PITRM1: variants seen among roughly 807,000 people sequenced by gnomAD.
PITRM1 encodes the protein pitrilysin metallopeptidase 1.
A neutral mutation model predicts 129.9 loss-of-function variants in PITRM1; 100 were observed. That is an observed-to-expected ratio of 0.77 (90% CI 0.65 to 0.91). The LOEUF is 0.91. Ranked by LOEUF, PITRM1 falls within the 40% of genes least tolerant of loss-of-function variation. The pLI, the probability that PITRM1 is intolerant of heterozygous loss-of-function variation, is 0.00. For missense variants in PITRM1, 1,471 were observed against 1,318.3 expected (o/e 1.12, Z -1.79); for synonymous variants, 591 against 508.8 (o/e 1.16, Z -2.17).
rs1333250888 is a variant in PITRM1, at chr10:3,171,337, T to TA, written c.57-1132_57-1131insT. ...CAGAACGCATAAAAATGGTAAAATA[T>TA]TAAAAAAAAAAAAAGCAAGGACATT... On this transcript the variant is annotated intron_variant, in intron 1 of 26. Coordinates refer to ENST00000224949, the MANE Select transcript of PITRM1 (RefSeq NM_014889.4). Among the ~76,000 whole-genome samples the TA allele has an allele frequency of 2.0e-3, 11 of 5,552 alleles. No homozygotes were observed. The East Asian group carries it at 0.023, about 12-fold the overall frequency. 3.6% of individuals were successfully genotyped at this position (5,552 alleles called of 152,430 possible). A position where few individuals can be genotyped will look rare whatever the true frequency, so the allele number is the denominator to read the frequency against.
chr10:3,138,126 T>A lies in PITRM1; in HGVS notation c.3021-2A>T, dbSNP rs771839728. ...GTGCTCTTCCCAGTGCCGAGGTATC[T>A]GAGAGGAAGGCAGGCGTGGTCAGCA... On this transcript the variant is annotated splice_acceptor_variant, in intron 26 of 26. Transcript: ENST00000224949. LOFTEE classifies it high-confidence loss of function. The A allele has an allele frequency of 6.2e-7, 1 of 1,605,492 alleles. No individual in the cohort carries two copies. The highest frequency in any genetic ancestry group is 1.7e-5 in the Admixed American group (1 of 59,394).
chr10:3,170,014 G>C (rs1843202933), intron 2 of PITRM1, 90 bp downstream of exon 2: 1 of 907,702 alleles, frequency 1.1e-6, no homozygotes, highest in Non-Finnish European at 1.7e-6. Flanking sequence ...AAAAACGCTA[G>C]TCTCCGCCCT....
At chr10:3,158,268 GA>G (rs1842141145) in intron 10 of PITRM1, 115 bp from the exon 11 acceptor site, 11 of 664,612 alleles carry the variant, frequency 1.7e-5, no homozygotes, top group Non-Finnish European at 5.3e-6. Flanking sequence ...CCCCTCCACT[GA>G]AAAGCTCATT....
chr10:3,165,686 GT>G (rs1344526876), intron 4 of PITRM1, among the ~76,000 whole-genome samples, 159 bp from the exon 5 acceptor site: 3 of 152,234 alleles, frequency 2.0e-5, no homozygotes, highest in African/African-American at 4.8e-5. Flanking sequence ...CTCAGCAGCT[GT>G]CCCAGCTCAT....
intron 22 of PITRM1, 73 bp from the exon 23 acceptor site, chr10:3,143,574 CAG>C (rs1406304898): frequency 4.5e-5 from 47 of 1,041,854 alleles, no homozygotes; most frequent in Non-Finnish European, 4.1e-5. Context: ...TGGACCCACT[CAG>C]GGGTCAGAGG....
At chr10:3,141,029 ACTCCTGGG>A (rs1226837914) in intron 23 of PITRM1, among the ~76,000 whole-genome samples, 3 of 151,936 alleles carry the variant, frequency 2.0e-5, no homozygotes, top group African/African-American at 7.3e-5. Flanking sequence ...GCAGCTTTGA[ACTCCTGGG>A]CTCAAGGGAT....
At chr10:3,143,958 C>T in intron 22 of PITRM1, 1 of 523,086 alleles carries the variant, frequency 1.9e-6, no homozygotes, top group Admixed American at 2.8e-5. Context: ...CTGGCATCGA[C>T]TCAGCTCGGG....
intron 15 of PITRM1, among the ~76,000 whole-genome samples, chr10:3,150,271 G>A (rs1320934171): frequency 6.6e-6 from 1 of 152,198 alleles, no homozygotes; most frequent in East Asian, 1.9e-4. Context: ...TAGACCAGCG[G>A]AGGGACCAAG....
chr10:3,165,519 A>C lies in PITRM1; in HGVS notation c.427T>G (p.Tyr143Asp). 1 of 1,555,818 alleles carries C rather than the reference A, an allele frequency of 6.4e-7. No individual in the cohort carries two copies. Among genetic ancestry groups the C allele is most frequent in the Non-Finnish European group, 8.9e-7 (1 of 1,127,698 alleles). The stretch of plus-strand genomic sequence containing the variant: ...TGTGTGGAAAATGGATACAGAGTAT[A>C]ATCACTAGCTGGGTACAAATGAAAA... ...TFMNAFTASD[Y>D]TLYPFSTQNP... The change falls in exon 5 of 27, where the codon TAT becomes GAT. Residue 143 changes from tyrosine (Y) to aspartate (D), a missense_variant. Physicochemically the swap from Tyr to Asp is radical, Grantham distance 160. Coordinates refer to ENST00000224949, the MANE Select transcript of PITRM1 (RefSeq NM_014889.4).
chr10:3,167,898 G>A (rs2132515152), intron 2 of PITRM1: 1 of 152,216 alleles, frequency 6.6e-6, no homozygotes, highest in East Asian at 1.9e-4. Flanking sequence ...GGGGCCGGGA[G>A]GATAGAAATG....
At chr10:3,153,489 G>GCAT (rs1482997978) in intron 14 of PITRM1, among the ~76,000 whole-genome samples, 4 of 152,090 alleles carry the variant, frequency 2.6e-5, no homozygotes, top group African/African-American at 9.7e-5. Flanking sequence ...CGTGGTGGTG[G>GCAT]GCATCTGTAG....
rs1260772187 is a variant in PITRM1 at position 3,145,608 on chromosome 10, T to A, written c.2445A>T (p.Pro815=). 6.5e-7 allele frequency: 1 copy of A among 1,549,790 alleles called. No individual in the cohort carries two copies. Among genetic ancestry groups the A allele is most frequent in the Non-Finnish European group, 8.7e-7 (1 of 1,146,952 alleles). ...CACCAGTGCATACCTCGACCGTGTG[T>A]GGGCGCACAGGCCTCCGTTCCTTTT... ...RSKKERRPVR[P]HTVEKPVPSS... The change falls in exon 21 of 27, where the codon CCA becomes CCT. Residue 815 remains proline (P), a synonymous_variant. Transcript: ENST00000224949.
At position 3,165,455 on chromosome 10, in the gene PITRM1, A is replaced by G; in HGVS notation, c.491T>C (p.Leu164Ser). Residue 164 changes from leucine to serine, a missense_variant, in exon 5 of 27, where the codon TTG (leucine) becomes TCG (serine). By Grantham distance (145) the Leu-to-Ser change is moderately radical. Coordinates refer to ENST00000224949, the MANE Select transcript of PITRM1 (RefSeq NM_014889.4). The stretch of plus-strand genomic sequence containing the variant: ...TAAACATGGGAAAAAGGTGGCATCC[A>G]AATACACCGAGAGGAGATTCTGAAA... The part of the protein sequence containing the change: ...KDFQNLLSVY[L>S]DATFFPCLRE... 1 of 1,613,670 alleles carries G rather than the reference A, an allele frequency of 6.2e-7. No individual in the cohort carries two copies. The highest frequency in any genetic ancestry group is 8.5e-7 in the Non-Finnish European group (1 of 1,179,710).
chr10:3,137,901 G>T lies in PITRM1; in HGVS notation c.*130C>A. 3.2e-6 allele frequency: 2 copies of T among 624,198 alleles called. No individual in the cohort carries two copies. Among genetic ancestry groups the T allele is most frequent in the South Asian group, 2.0e-5 (1 of 51,170 alleles). 38.7% of individuals were successfully genotyped at this position (624,198 alleles called of 1,614,324 possible). A position where few individuals can be genotyped will look rare whatever the true frequency, so the allele number is the denominator to read the frequency against. ...TAAGATAGATCTGAGTTTTTGACTC[G>T]CCAGTCAAGGGCTTTGGCGACACTC... On this transcript the variant is annotated 3_prime_UTR_variant, in exon 27 of 27. Transcript: ENST00000224949.
At chr10:3,172,686 G>A in intron 1 of PITRM1, 31 bp downstream of exon 1, 1 of 1,526,638 alleles carries the variant, frequency 6.6e-7, no homozygotes, top group South Asian at 1.2e-5. Context: ...GGGTACCAGC[G>A]CGCCGAGCGC....
Position 3,156,942 on chromosome 10 carries a change from T to C in PITRM1, c.1470A>G (p.Lys490=). 6.4e-7 allele frequency: 1 copy of C among 1,570,304 alleles called. No homozygotes were observed. Among genetic ancestry groups the C allele is most frequent in the East Asian group, 2.3e-5 (1 of 43,368 alleles). ...CCAACTTTCTTACCTTAAAATACTG[T>C]TTTACTTTTTCTTGCAAAAATTTTG... is the stretch of plus-strand genomic sequence containing the variant. ...ENPKFLQEKV[K]QYFKNNQHKL... is the part of the protein sequence containing the mutation. The change falls in exon 13 of 27, where the codon AAA becomes AAG. Residue 490 remains lysine (K), a synonymous_variant. Coordinates refer to ENST00000224949, the MANE Select transcript of PITRM1 (RefSeq NM_014889.4).
chr10:3,145,898 A>G lies in PITRM1; in HGVS notation c.2337-182T>C, dbSNP rs926866258. The G allele has an allele frequency of 6.7e-6, 4 of 595,062 alleles. No homozygotes were observed. The African/African-American group carries it at 7.4e-5, about 11-fold the overall frequency. The allele number at this position is 595,062 out of a possible 1,614,324, so 36.9% of individuals were successfully genotyped here. A position where few individuals can be genotyped will look rare whatever the true frequency, so the allele number is the denominator to read the frequency against. ...TGCTCTTCAGTGCTTCAGGTTATCA[A>G]GAGATTTCCGCACAGTTCAATGTGG... On this transcript the variant is annotated intron_variant, in intron 20 of 26. Transcript: ENST00000224949.
intron 21 of PITRM1, chr10:3,145,361 C>A: frequency 1.9e-6 from 1 of 531,848 alleles, no homozygotes; most frequent in Non-Finnish European, 3.3e-6. Context: ...CACTGCAAGG[C>A]ACAGAAGTGA....
rs76516646 is a variant in PITRM1, at chr10:3,171,949, A to G, written c.56+768T>C. Among the ~76,000 whole-genome samples, 759 of 152,350 alleles carry G rather than the reference A, an allele frequency of 5.0e-3. 3 individuals carry two copies. Among genetic ancestry groups the G allele is most frequent in the African/African-American group, 0.018 (729 of 41,582 alleles). The stretch of plus-strand genomic sequence containing the variant: ...TCCCACCGAAATATTTATTTTAAAG[A>G]TAATATGTACAGGAAGAAAAAACCT... On this transcript the variant is annotated intron_variant, in intron 1 of 26. Transcript: ENST00000224949.
Sources: gnomAD v4.1 joint callset for allele counts (sites outside exome capture counted in the v4.1 genomes callset) on GRCh38, gnomAD v4.1.1 for gene constraint, MANE v1.5 for transcripts, NCBI Gene and HGNC (gene_info 2026-07-23, HGNC 2026-07-21) for gene names.